CEP295: variants seen among roughly 807,000 people sequenced by gnomAD.
CEP295 encodes centrosomal protein 295, also known as centrosomal protein of 295 kDa.
In CEP295, 190 loss-of-function variants were observed where a neutral mutation model predicts 291.6. The observed-to-expected ratio is 0.65, with a 90% CI of 0.58 to 0.73. The LOEUF (loss-of-function observed/expected upper bound fraction) is 0.73, where lower values mean the gene tolerates loss of function less well. CEP295 is among the 30% of genes least tolerant of loss of function. The pLI is 0.00. For missense variants in CEP295, 2,863 were observed against 2,949.4 expected (o/e 0.97, Z 0.68); for synonymous variants, 993 against 1,038.8 (o/e 0.96, Z 0.85).
At chr11:93,721,474 T>A (rs746861950) in intron 19 of CEP295, 62 bp downstream of exon 19, 59 of 1,035,978 alleles carry the variant, frequency 5.7e-5, no homozygotes, top group Admixed American at 1.2e-4. Flanking sequence ...TTCTCTTTTG[T>A]TTAGTTTACA....
Position 93,727,438 on chromosome 11 carries a change from C to G in CEP295, c.6962C>G (p.Ser2321Cys). 6.4e-7 allele frequency: 1 copy of G among 1,551,874 alleles called. No homozygotes were observed. Among genetic ancestry groups the G allele is most frequent in the South Asian group, 1.2e-5 (1 of 84,054 alleles). The change falls in exon 24 of 30, where the codon TCT (serine) becomes TGT (cysteine). Residue 2321 changes from serine (S) to cysteine (C), a missense_variant. By Grantham distance (112) the Ser-to-Cys change is moderately radical. Around this residue, in one of 3 missense-constraint regions of CEP295, gnomAD observed 2,295 missense variants for 2,335.7 expected, o/e 0.98. Coordinates refer to ENST00000325212, the MANE Select transcript of CEP295 (RefSeq NM_033395.2). ...DINPQVEETD[S>C]RLCVRTVEMG... ...AATCCACAGGTAGAGGAAACTGACT[C>G]TCGATTATGTGTAAGAACAGTGGAG...
rs1229459850 is a variant in CEP295 at position 93,699,424 on chromosome 11, T to C, written c.4512T>C (p.Asp1504=). The part of the protein sequence containing the change: ...SEHFIQSHHG[D]LQALQQQLDT... Reference sequence around the variant, plus strand: ...ATTTTATCCAGTCTCACCATGGTGATTTGCAGGCACTTCAACAGCAGTTAG... The same window carrying C: ...ATTTTATCCAGTCTCACCATGGTGACTTGCAGGCACTTCAACAGCAGTTAG... Residue 1504 remains aspartate, a synonymous_variant, in exon 15 of 30, where the codon GAT becomes GAC. Transcript: ENST00000325212. The C allele has an allele frequency of 1.3e-5, 20 of 1,551,700 alleles. No homozygotes were observed. The South Asian group carries it at 2.3e-4, about 18-fold the overall frequency.
At chr11:93,677,400 A>G (rs1950747925) in intron 6 of CEP295, among the ~76,000 whole-genome samples, 1 of 152,124 alleles carries the variant, frequency 6.6e-6, no homozygotes, top group Non-Finnish European at 1.5e-5. Flanking sequence ...TAATATCCTG[A>G]TAAAGTAATT....
At chr11:93,719,959 T>A (rs745439774) in intron 18 of CEP295, among the ~76,000 whole-genome samples, 1 of 151,904 alleles carries the variant, frequency 6.6e-6, no homozygotes, top group Non-Finnish European at 1.5e-5. Context: ...ATTGTTAATA[T>A]GAGACACAAA....
In CEP295 at chr11:93,723,081, T is replaced by C; in HGVS notation, c.5988T>C (p.Ser1996=). Residue 1996 remains serine, a synonymous_variant, in exon 21 of 30, where the codon TCT becomes TCC. Coordinates refer to ENST00000325212, the MANE Select transcript of CEP295 (RefSeq NM_033395.2). The part of the protein sequence containing the change: ...SEHMDDSKQE[S]TTSKEEETNI... ...ACATGGATGATAGCAAGCAAGAATC[T>C]ACCACCAGTAAAGAAGAGGAAACAA... 1.3e-6 allele frequency: 2 copies of C among 1,551,232 alleles called. No homozygotes were observed. The highest frequency in any genetic ancestry group is 1.7e-6 in the Non-Finnish European group (2 of 1,146,602).
intron 15 of CEP295, 95 bp from the exon 16 acceptor site, chr11:93,702,365 C>T (rs1329680391): frequency 2.1e-5 from 16 of 768,164 alleles, no homozygotes; most frequent in Admixed American, 1.1e-4. Context: ...ATTTGGTTTA[C>T]GTTCTAATTT....
At chr11:93,711,829 T>TG (rs980948791) in intron 18 of CEP295, among the ~76,000 whole-genome samples, 5 of 151,210 alleles carry the variant, frequency 3.3e-5, no homozygotes, top group African/African-American at 9.7e-5. Context: ...TTTGTTTGTT[T>TG]TTTTTTTTTT....
intron 18 of CEP295, among the ~76,000 whole-genome samples, chr11:93,713,861 C>T (rs1486514440): frequency 6.6e-6 from 1 of 152,064 alleles, no homozygotes; most frequent in Non-Finnish European, 1.5e-5. Context: ...ATTCTCTTAT[C>T]TTTTGTCTCC....
chr11:93,719,247 T>G (rs201539835), intron 18 of CEP295, among the ~76,000 whole-genome samples: 14 of 45,326 alleles, frequency 3.1e-4, no homozygotes, highest in South Asian at 2.7e-3. Context: ...TTTTTCCGGG[T>G]TTTTTTTTTT....
At chr11:93,665,206 G>A (rs1192112546) in intron 1 of CEP295, among the ~76,000 whole-genome samples, 5 of 152,188 alleles carry the variant, frequency 3.3e-5, no homozygotes, top group Admixed American at 1.3e-4. Context: ...CAGATAAAAT[G>A]CTCATGTACT....
intron 18 of CEP295, among the ~76,000 whole-genome samples, chr11:93,711,610 C>A (rs1952905661): frequency 6.6e-6 from 1 of 152,202 alleles, no homozygotes; most frequent in Non-Finnish European, 1.5e-5. Context: ...TCAAGCAATT[C>A]TTCTGCCTCA....
intron 22 of CEP295, among the ~76,000 whole-genome samples, chr11:93,724,658 T>G (rs541369236): frequency 6.6e-6 from 1 of 152,060 alleles, no homozygotes; most frequent in Non-Finnish European, 1.5e-5. Flanking sequence ...TCCCAGCTAC[T>G]CGGGAGGCTG....
chr11:93,720,616 G>A (rs549944783), intron 18 of CEP295, among the ~76,000 whole-genome samples: 7 of 152,138 alleles, frequency 4.6e-5, no homozygotes, highest in Non-Finnish European at 8.8e-5. Context: ...TTTTTGAGAC[G>A]GGGTCTGGCT....
In CEP295 at chr11:93,664,366, G is replaced by A. The variant is rs1347558317; in HGVS notation, c.-26-2316G>A. Among the ~76,000 whole-genome samples, 5 of 152,206 alleles carry A rather than the reference G, an allele frequency of 3.3e-5. 1 individual carries two copies. The highest frequency in any genetic ancestry group is 1.2e-4 in the African/African-American group (5 of 41,450). On this transcript the variant is annotated intron_variant, in intron 1 of 29. Coordinates refer to ENST00000325212, the MANE Select transcript of CEP295 (RefSeq NM_033395.2). ...GAAACCAGATTCTTCCCTTGGCTCCGCCACTAGATGTTGTCACTCAGGGAA... is the reference window on the plus strand; with the variant it reads ...GAAACCAGATTCTTCCCTTGGCTCCACCACTAGATGTTGTCACTCAGGGAA...
At chr11:93,718,012 ATT>A (rs1953398241) in intron 18 of CEP295, among the ~76,000 whole-genome samples, 1 of 152,172 alleles carries the variant, frequency 6.6e-6, no homozygotes, top group South Asian at 2.1e-4. Context: ...CCTAGGCTCA[ATT>A]GATCCTCCCA....
rs1331677207 is a variant in CEP295 at position 93,699,310 on chromosome 11, G to A, written c.4398G>A (p.Gln1466=). The change falls in exon 15 of 30, where the codon CAG becomes CAA. Residue 1466 remains glutamine, a synonymous_variant. Coordinates refer to ENST00000325212, the MANE Select transcript of CEP295 (RefSeq NM_033395.2). The part of the protein sequence containing the change: ...LIALEEHLHA[Q]TDFLPSIEKT... Reference sequence around the variant, plus strand: ...CACTTGAAGAACACTTGCATGCACAGACAGATTTCCTTCCTTCTATTGAGA... The same window carrying A: ...CACTTGAAGAACACTTGCATGCACAAACAGATTTCCTTCCTTCTATTGAGA... 2 of 1,551,882 alleles carry A rather than the reference G, an allele frequency of 1.3e-6. No homozygotes were observed. Among genetic ancestry groups the A allele is most frequent in the Non-Finnish European group, 1.7e-6 (2 of 1,147,004 alleles).
intron 18 of CEP295, 99 bp downstream of exon 18, chr11:93,706,996 A>G (rs1251647444): frequency 9.9e-7 from 1 of 1,005,094 alleles, no homozygotes; most frequent in Non-Finnish European, 1.4e-6. Context: ...TGGTAAATAA[A>G]CTTAGTTACT....
chr11:93,697,908 T>A lies in CEP295; in HGVS notation c.2996T>A (p.Val999Glu). Reference protein sequence around the residue: ...EQAEPSFPFQVAQHTFTSLPS... With the variant: ...EQAEPSFPFQEAQHTFTSLPS... ...GCTGAGCCCTCTTTCCCATTTCAGG[T>A]AGCTCAGCATACATTTACTTCACTA... The change falls in exon 15 of 30, where the codon GTA (valine) becomes GAA (glutamate). Residue 999 changes from valine (V) to glutamate (E), a missense_variant. Around this residue, in one of 3 missense-constraint regions of CEP295, gnomAD observed 2,295 missense variants for 2,335.7 expected, o/e 0.98. Coordinates refer to ENST00000325212, the MANE Select transcript of CEP295 (RefSeq NM_033395.2). The A allele has an allele frequency of 6.4e-7, 1 of 1,551,690 alleles. No homozygotes were observed. Among genetic ancestry groups the A allele is most frequent in the Non-Finnish European group, 8.7e-7 (1 of 1,146,970 alleles).
chr11:93,716,920 A>T (rs1320380600), intron 18 of CEP295, among the ~76,000 whole-genome samples: 1 of 152,176 alleles, frequency 6.6e-6, no homozygotes, highest in East Asian at 1.9e-4. Context: ...GACAAAACAG[A>T]ATTCTTGAAG....
Sources: gnomAD v4.1 joint callset for allele counts (sites outside exome capture counted in the v4.1 genomes callset) on GRCh38, gnomAD v4.1.1 for gene constraint, gnomAD v4.1.1 regional missense constraint, MANE v1.5 for transcripts, NCBI Gene and HGNC (gene_info 2026-07-23, HGNC 2026-07-21) for gene names.